AGMO: variants seen among roughly 807,000 people sequenced by gnomAD.
AGMO encodes glyceryl-ether monooxygenase.
AGMO carries 75 observed loss-of-function variants against 60.2 expected under a neutral mutation model. That is an observed-to-expected ratio of 1.25 (90% CI 1.03 to 1.51). AGMO has a LOEUF of 1.51. AGMO is among the 40% of genes most tolerant of loss of function. AGMO has a pLI of 0.00. For synonymous variants in AGMO, 261 were observed against 177.1 expected (o/e 1.47, Z -3.76); for missense variants, 763 against 525.5 (o/e 1.45, Z -4.42).
At chr7:15,256,965 T>C (rs190684056) in intron 12 of AGMO, among the ~76,000 whole-genome samples, 1 of 152,306 alleles carries the variant, frequency 6.6e-6, no homozygotes, top group Admixed American at 6.5e-5. Context: ...TCCATGGTGT[T>C]CTTCTTGTAA....
rs1379427070 is a variant in AGMO at position 15,406,693 on chromosome 7, G to T, written c.609+11865C>A. On this transcript the variant is annotated intron_variant, in intron 5 of 12. Transcript: ENST00000342526. The stretch of plus-strand genomic sequence containing the variant: ...ATACATATATATGTGTATATATATG[G>T]AATATACATATATATGTGTATATAT... Among the ~76,000 whole-genome samples, 13 of 31,612 alleles carry T rather than the reference G, an allele frequency of 4.1e-4. 2 individuals are homozygous for T. Among genetic ancestry groups the T allele is most frequent in the Admixed American group, 3.4e-3 (10 of 2,960 alleles). 20.7% of individuals were successfully genotyped at this position (31,612 alleles called of 152,430 possible).
chr7:15,197,656 A>G (rs929030585), downstream of AGMO, among the ~76,000 whole-genome samples: 6 of 152,356 alleles, frequency 3.9e-5, no homozygotes, highest in Admixed American at 1.3e-4. Flanking sequence ...TGGCAATCCT[A>G]TAAGTAAACT....
intron 2 of AGMO, among the ~76,000 whole-genome samples, chr7:15,554,181 G>T (rs780176606): frequency 1.3e-5 from 2 of 151,894 alleles, no homozygotes; most frequent in African/African-American, 2.4e-5. Context: ...ATAAACCAAA[G>T]TTCCTTCCTC....
At chr7:15,380,442 A>G (rs530387517) in intron 10 of AGMO, among the ~76,000 whole-genome samples, 49 of 152,232 alleles carry the variant, frequency 3.2e-4, no homozygotes, top group African/African-American at 1.2e-3. Flanking sequence ...ACCTAGTGAT[A>G]CAGATAACCA....
chr7:15,513,274 GAT>G (rs1235131887), intron 3 of AGMO, among the ~76,000 whole-genome samples: 1 of 123,494 alleles, frequency 8.1e-6, no homozygotes, highest in African/African-American at 3.2e-5. Flanking sequence ...GTTTTTATCA[GAT>G]ACCTATAGCA....
rs143224190 is a variant in AGMO, at chr7:15,225,261, C to T, written c.1264-23902G>A. Among the ~76,000 whole-genome samples the T allele has an allele frequency of 2.6e-4, 39 of 152,036 alleles. 1 individual carries two copies. The East Asian group carries it at 7.5e-3, about 29-fold the overall frequency. Reference sequence around the variant, plus strand: ...ATGCTCACAACTTTTATCCGTTCCCCTGAAGTTGCATTCCAAATGCTCCTA... The same window carrying T: ...ATGCTCACAACTTTTATCCGTTCCCTTGAAGTTGCATTCCAAATGCTCCTA... On this transcript the variant is annotated intron_variant, in intron 12 of 12. Coordinates refer to ENST00000342526, the MANE Select transcript of AGMO (RefSeq NM_001004320.2).
intron 12 of AGMO, among the ~76,000 whole-genome samples, chr7:15,253,420 T>G (rs1312994032): frequency 2.6e-5 from 4 of 152,184 alleles, no homozygotes; most frequent in African/African-American, 9.6e-5. Context: ...GTCATTCAAG[T>G]AGAAAGTGGA....
the AGMO span, among the ~76,000 whole-genome samples, chr7:15,146,652 ATTAC>A: frequency 5.9e-5 from 9 of 152,218 alleles, no homozygotes; most frequent in South Asian, 2.1e-4. Context: ...TTTTCTTGTT[ATTAC>A]TTAAAGTTAC....
In AGMO at chr7:15,201,052, A is replaced by G. The variant is rs960494026; in HGVS notation, c.*233T>C. The G allele has an allele frequency of 4.1e-5, 14 of 345,652 alleles. No individual in the cohort carries two copies. Among genetic ancestry groups the G allele is most frequent in the Non-Finnish European group, 6.7e-5 (13 of 193,322 alleles). The allele number at this position is 345,652 out of a possible 1,614,324, so 21.4% of individuals were successfully genotyped here. A position where few individuals can be genotyped will look rare whatever the true frequency, so the allele number is the denominator to read the frequency against. ...GGCTATCAGTTAATATAACATCATT[A>G]TATTTGAAATCTTTTTTTAATTGTA... On this transcript the variant is annotated 3_prime_UTR_variant, in exon 13 of 13. Coordinates refer to ENST00000342526, the MANE Select transcript of AGMO (RefSeq NM_001004320.2).
At chr7:15,455,652 C>T (rs938134199) in intron 3 of AGMO, among the ~76,000 whole-genome samples, 1 of 152,154 alleles carries the variant, frequency 6.6e-6, no homozygotes, top group East Asian at 1.9e-4. Context: ...TATTCACATG[C>T]TTGATTGATA....
At chr7:15,456,753 G>C (rs1782008610) in intron 3 of AGMO, among the ~76,000 whole-genome samples, 1 of 152,120 alleles carries the variant, frequency 6.6e-6, no homozygotes, top group Non-Finnish European at 1.5e-5. Context: ...CTGGAGTTCT[G>C]TGGTGCAGTT....
chr7:15,328,537 T>G (rs1050662920), intron 12 of AGMO, among the ~76,000 whole-genome samples: 2 of 152,174 alleles, frequency 1.3e-5, no homozygotes, highest in African/African-American at 4.8e-5. Context: ...ACAGGAATAA[T>G]TGAAAGACCA....
the AGMO span, among the ~76,000 whole-genome samples, chr7:15,172,782 T>C: frequency 5.9e-5 from 9 of 152,064 alleles, no homozygotes; most frequent in East Asian, 1.9e-4. Flanking sequence ...AAGTGTGAAG[T>C]AAAGAAGTTG....
intron 10 of AGMO, among the ~76,000 whole-genome samples, chr7:15,368,982 T>C (rs1170470727): frequency 1.3e-5 from 2 of 152,126 alleles, no homozygotes; most frequent in Admixed American, 6.6e-5. Context: ...GCTCCTCCTC[T>C]ACAACATATA....
intron 3 of AGMO, among the ~76,000 whole-genome samples, chr7:15,480,640 T>C (rs2128516976): frequency 6.6e-6 from 1 of 152,330 alleles, no homozygotes; most frequent in East Asian, 1.9e-4. Context: ...TATTTTGCTT[T>C]AAAGTGTTAA....
intron 12 of AGMO, among the ~76,000 whole-genome samples, chr7:15,312,087 G>A (rs576556561): frequency 2.5e-4 from 38 of 151,996 alleles, no homozygotes; most frequent in African/African-American, 8.2e-4. Flanking sequence ...CAGGGAGAGA[G>A]AGAAAGAAAG....
chr7:15,560,281 A>G lies in AGMO; in HGVS notation c.127-10T>C, dbSNP rs1785268885. 8 of 1,610,814 alleles carry G rather than the reference A, an allele frequency of 5.0e-6. No homozygotes were observed. The highest frequency in any genetic ancestry group is 6.8e-6 in the Non-Finnish European group (8 of 1,177,874). ...TGAAAAATGGAGTTGCCTGGAAAGG[A>G]AGTTGCAGAAAAGAGATGCTATTAT... On this transcript the variant is annotated splice_polypyrimidine_tract_variant and intron_variant, in intron 1 of 12. Coordinates refer to ENST00000342526, the MANE Select transcript of AGMO (RefSeq NM_001004320.2).
chr7:15,231,026 C>T (rs1782244078), intron 12 of AGMO, among the ~76,000 whole-genome samples: 1 of 152,154 alleles, frequency 6.6e-6, no homozygotes, highest in South Asian at 2.1e-4. Context: ...TTCAGGGTGG[C>T]TCAGTTCTCT....
chr7:15,305,479 C>A (rs555556968), intron 12 of AGMO, among the ~76,000 whole-genome samples: 1 of 152,088 alleles, frequency 6.6e-6, no homozygotes, highest in African/African-American at 2.4e-5. Context: ...TTCTTTTCAC[C>A]TGGCAAAATG....
Sources: allele counts gnomAD v4.1 joint callset (sites outside exome capture counted in the v4.1 genomes callset), GRCh38; gene constraint gnomAD v4.1.1; transcripts MANE v1.5; gene names NCBI Gene and HGNC (gene_info 2026-07-23, HGNC 2026-07-21).